MARCHF1: variants seen among roughly 807,000 people sequenced by gnomAD.
MARCHF1 encodes membrane associated ring-CH-type finger 1, also known as E3 ubiquitin-protein ligase MARCHF1.
A neutral mutation model predicts 54.2 loss-of-function variants in MARCHF1; 40 were observed. The ratio of observed to expected loss-of-function variants is 0.74; its 90% CI spans 0.57 to 0.96. MARCHF1 has a LOEUF of 0.96. MARCHF1 is among the 40% of genes least tolerant of loss of function. The pLI, the probability that MARCHF1 is intolerant of heterozygous loss-of-function variation, is 0.00. For synonymous variants in MARCHF1, 236 were observed against 236.3 expected, an observed-to-expected ratio of 1.00 and a Z score of 0.01; for missense variants, 586 against 656.5, an observed-to-expected ratio of 0.89 and a Z score of 1.17.
intron 4 of MARCHF1, among the ~76,000 whole-genome samples, chr4:163,776,821 A>G (rs961730372): frequency 6.6e-6 from 1 of 152,166 alleles, no homozygotes; most frequent in African/African-American, 2.4e-5. Context: ...GTCTTGGGTA[A>G]TGGAATTTAG....
At chr4:164,370,722 A>G (rs1356474093) in intron 1 of MARCHF1, among the ~76,000 whole-genome samples, 3 of 152,106 alleles carry the variant, frequency 2.0e-5, no homozygotes, top group African/African-American at 7.2e-5. Context: ...CAGCCTCACC[A>G]ACACGGCGAA....
At chr4:163,972,195 T>G (rs1752559348) in intron 3 of MARCHF1, among the ~76,000 whole-genome samples, 1 of 151,814 alleles carries the variant, frequency 6.6e-6, no homozygotes, top group African/African-American at 2.4e-5. Flanking sequence ...CTGGAGCCTA[T>G]CAGGGGGTGG....
intron 8 of MARCHF1, 156 bp downstream of exon 8, chr4:163,585,593 C>A (rs1740383769): frequency 2.1e-6 from 1 of 479,666 alleles, no homozygotes. Flanking sequence ...TCTGCAAACA[C>A]TTAGATAAAT....
chr4:163,735,845 T>C (rs535471685), intron 4 of MARCHF1, among the ~76,000 whole-genome samples: 5 of 152,294 alleles, frequency 3.3e-5, no homozygotes, highest in Admixed American at 2.0e-4. Context: ...TGTGTTAGGA[T>C]TGGAGTCTTA....
At chr4:163,719,315 C>A (rs1181522208) in intron 4 of MARCHF1, among the ~76,000 whole-genome samples, 3 of 151,998 alleles carry the variant, frequency 2.0e-5, no homozygotes, top group South Asian at 2.1e-4. Flanking sequence ...TTTGCTGAGA[C>A]TGATGGTTTC....
chr4:164,071,126 C>T (rs950755708), intron 2 of MARCHF1, among the ~76,000 whole-genome samples: 4 of 152,088 alleles, frequency 2.6e-5, no homozygotes, highest in Non-Finnish European at 4.4e-5. Context: ...AGCATGAAAA[C>T]AAACTAATAT....
intron 3 of MARCHF1, among the ~76,000 whole-genome samples, chr4:163,913,436 G>GT (rs1751238989): frequency 6.6e-6 from 1 of 152,070 alleles, no homozygotes; most frequent in East Asian, 1.9e-4. Flanking sequence ...TGTTAGCAAT[G>GT]TTTTTTCAGT....
intron 2 of MARCHF1, among the ~76,000 whole-genome samples, chr4:164,031,818 T>G (rs920390323): frequency 2.0e-5 from 3 of 152,264 alleles, no homozygotes; most frequent in Non-Finnish European, 4.4e-5. Context: ...TCTGTCAGGT[T>G]TTGGTATCAG....
chr4:164,201,208 G>GGTTTT (rs5863670), intron 1 of MARCHF1, among the ~76,000 whole-genome samples: 2,270 of 150,724 alleles, frequency 0.015, 35 homozygotes, highest in Non-Finnish European at 0.022. Context: ...TGTTTTACAT[G>GGTTTT]GTTTTGTTTT....
At chr4:164,035,244 A>T (rs1043099744) in intron 2 of MARCHF1, among the ~76,000 whole-genome samples, 1 of 152,076 alleles carries the variant, frequency 6.6e-6, no homozygotes, top group South Asian at 2.1e-4. Context: ...GTTATTCTAA[A>T]TGTCTTCAGA....
At chr4:164,072,276 T>C (rs1327125776) in intron 2 of MARCHF1, among the ~76,000 whole-genome samples, 1 of 152,250 alleles carries the variant, frequency 6.6e-6, no homozygotes, top group Non-Finnish European at 1.5e-5. Flanking sequence ...CAGTGTTGTT[T>C]AGTACATAAT....
intron 2 of MARCHF1, among the ~76,000 whole-genome samples, chr4:164,051,781 A>T (rs1308277587): frequency 6.6e-6 from 1 of 152,234 alleles, no homozygotes; most frequent in Non-Finnish European, 1.5e-5. Context: ...GAAGAAGACA[A>T]TGCACTGGCA....
chr4:164,213,794 A>G (rs1240898312), intron 1 of MARCHF1, among the ~76,000 whole-genome samples: 1 of 152,044 alleles, frequency 6.6e-6, no homozygotes, highest in African/African-American at 2.4e-5. Context: ...TTAAATATAT[A>G]AATGAACAAT....
chr4:164,019,810 G>A (rs1046999236), intron 2 of MARCHF1, among the ~76,000 whole-genome samples: 1 of 152,228 alleles, frequency 6.6e-6, no homozygotes, highest in Non-Finnish European at 1.5e-5. Flanking sequence ...ATTTGGGATA[G>A]TATAGGGCAG....
chr4:163,619,567 C>T (rs1051315634), intron 5 of MARCHF1, among the ~76,000 whole-genome samples: 1 of 151,878 alleles, frequency 6.6e-6, no homozygotes, highest in African/African-American at 2.4e-5. Context: ...GGGAAAGACA[C>T]ATCATTAGAA....
chr4:163,717,959 G>C (rs1272834923), intron 4 of MARCHF1, among the ~76,000 whole-genome samples: 1 of 152,122 alleles, frequency 6.6e-6, no homozygotes, highest in Admixed American at 6.6e-5. Context: ...CAGAGATATA[G>C]ACCAATGGAA....
chr4:163,623,917 C>T (rs755750948), intron 5 of MARCHF1, among the ~76,000 whole-genome samples: 1 of 151,996 alleles, frequency 6.6e-6, no homozygotes, highest in Non-Finnish European at 1.5e-5. Context: ...AGAAATAGTG[C>T]CAGAAAGCAG....
intron 3 of MARCHF1, among the ~76,000 whole-genome samples, chr4:163,930,692 G>T (rs917447039): frequency 2.6e-5 from 4 of 151,876 alleles, no homozygotes; most frequent in African/African-American, 9.7e-5. Context: ...CACAGGTTTT[G>T]GTTCACTAGG....
intron 1 of MARCHF1, among the ~76,000 whole-genome samples, chr4:164,263,262 A>C (rs1025363777): frequency 2.6e-5 from 4 of 152,178 alleles, no homozygotes; most frequent in African/African-American, 9.7e-5. Context: ...CATAGGGAGG[A>C]GGGAGGAGTT....
Sources: allele counts gnomAD v4.1 joint callset (sites outside exome capture counted in the v4.1 genomes callset), GRCh38; gene constraint gnomAD v4.1.1; transcripts MANE v1.5; gene names NCBI Gene and HGNC (gene_info 2026-07-23, HGNC 2026-07-21).